The following CDC42 variants were observed in gnomAD, a reference collection of about 807,000 sequenced individuals.
The protein encoded by CDC42 is cell division cycle 42.
CDC42 carries 1 observed loss-of-function variant against 20.8 expected under a neutral mutation model. The observed-to-expected ratio is 0.05, with a 90% CI of 0.02 to 0.23. The LOEUF is 0.23. Among genes scored for constraint, CDC42 ranks in the 10% least tolerant of loss-of-function variants. CDC42 has a pLI of 1.00. For missense variants in CDC42, 49 were observed against 227.9 expected (o/e 0.21, Z 5.05); for synonymous variants, 72 against 84.8 (o/e 0.85, Z 0.83).
At chr1:22,058,701 G>A (rs1645330156) in intron 1 of CDC42, among the ~76,000 whole-genome samples, 1 of 152,066 alleles carries the variant, frequency 6.6e-6, no homozygotes, top group Admixed American at 6.6e-5. Flanking sequence ...GTTTCTCCAT[G>A]CTGGTCAGGC....
intron 1 of CDC42, among the ~76,000 whole-genome samples, chr1:22,070,167 T>C (rs1645469694): frequency 6.6e-6 from 1 of 152,220 alleles, no homozygotes; most frequent in Non-Finnish European, 1.5e-5. Context: ...CTTCAAAGAC[T>C]TCCCCCACAT....
intron 1 of CDC42, chr1:22,059,385 T>C (rs969458919): frequency 1.3e-5 from 2 of 152,206 alleles, no homozygotes; most frequent in Non-Finnish European, 1.5e-5. Flanking sequence ...ATAATTCATA[T>C]TCATTATGAA....
rs533711135 is a variant in CDC42, at chr1:22,083,605, TA to T, written c.178+1824del. ...GGCTGACAGAGTGAGACTCCGTCTT[TA>T]AAAAAAAAAAAATCGTTTTAAGTGT... On this transcript the variant is annotated intron_variant, in intron 3 of 5. Transcript: ENST00000656825. 2.1e-3 allele frequency among the ~76,000 whole-genome samples: 305 copies of T among 145,268 alleles called. 2 individuals are homozygous for T. Among genetic ancestry groups the T allele is most frequent in the African/African-American group, 4.7e-3 (188 of 39,920 alleles).
chr1:22,059,472 AT>A (rs1645339004), intron 1 of CDC42: 1 of 152,164 alleles, frequency 6.6e-6, no homozygotes, highest in African/African-American at 2.4e-5. Flanking sequence ...CTAAAATCAT[AT>A]TTCCAATTTC....
At chr1:22,084,338 T>TG (rs1481629792) in intron 3 of CDC42, among the ~76,000 whole-genome samples, 1 of 87,734 alleles carries the variant, frequency 1.1e-5, no homozygotes, top group Admixed American at 1.2e-4. Context: ...ATTTCCTGTT[T>TG]TTTTTTTTTT....
At chr1:22,061,237 T>C (rs898244671) in intron 1 of CDC42, among the ~76,000 whole-genome samples, 2 of 151,878 alleles carry the variant, frequency 1.3e-5, no homozygotes, top group Non-Finnish European at 2.9e-5. Context: ...TGAAACCCCG[T>C]CTCTACTAAA....
chr1:22,061,528 CTTTCTT>C lies in CDC42; in HGVS notation c.-51+8790_-51+8795del, dbSNP rs1389802629. 2.1e-3 allele frequency among the ~76,000 whole-genome samples: 178 copies of C among 86,284 alleles called. 46 individuals carry two copies. Among genetic ancestry groups the C allele is most frequent in the South Asian group, 5.0e-3 (12 of 2,394 alleles). 56.6% of individuals were successfully genotyped at this position (86,284 alleles called of 152,430 possible). On this transcript the variant is annotated intron_variant, in intron 1 of 5. Transcript: ENST00000656825. Reference sequence around the variant, plus strand: ...GGTCAATCAGTTTAACTTCATGTTTCTTTCTTTTTTTTTTTTTTTTTTTTTTTTTTT... The same window carrying C: ...GGTCAATCAGTTTAACTTCATGTTTCTTTTTTTTTTTTTTTTTTTTTTTTT...
At chr1:22,091,029 C>T (rs1645710578) in intron 5 of CDC42, among the ~76,000 whole-genome samples, 1 of 152,218 alleles carries the variant, frequency 6.6e-6, no homozygotes, top group Non-Finnish European at 1.5e-5. Context: ...CCCGTCCTCT[C>T]AGTCCTCTGT....
chr1:22,089,606 G>A (rs1645695773), intron 5 of CDC42, among the ~76,000 whole-genome samples: 1 of 152,206 alleles, frequency 6.6e-6, no homozygotes, highest in Non-Finnish European at 1.5e-5. Flanking sequence ...TAGCATGCCT[G>A]TTAGTCTGCT....
In CDC42 at chr1:22,083,968, A is replaced by G. The variant is rs867922701; in HGVS notation, c.178+2174A>G. On this transcript the variant is annotated intron_variant, in intron 3 of 5. Coordinates refer to ENST00000656825, the MANE Select transcript of CDC42 (RefSeq NM_001791.4). ...TGTGAGAGTTGTCCATGTTGTGTGT[A>G]TTGGTAGTTGTTTCTTTTGATTGCC... is the stretch of plus-strand genomic sequence containing the variant. Among the ~76,000 whole-genome samples, 17 of 152,242 alleles carry G rather than the reference A, an allele frequency of 1.1e-4. No homozygotes were observed. The Middle Eastern group carries it at 0.017, about 152-fold the overall frequency.
At chr1:22,057,454 G>A (rs1219849308) in intron 1 of CDC42, among the ~76,000 whole-genome samples, 12 of 152,106 alleles carry the variant, frequency 7.9e-5, no homozygotes, top group African/African-American at 2.7e-4. Flanking sequence ...GCGCGATCTC[G>A]GCTCACCGCA....
intron 4 of CDC42, 50 bp downstream of exon 4, chr1:22,086,598 A>G (rs751539362): frequency 1.9e-6 from 3 of 1,583,668 alleles, no homozygotes; most frequent in East Asian, 4.5e-5. Context: ...CAGAATTTCT[A>G]CTGACCTGTT....
intron 1 of CDC42, among the ~76,000 whole-genome samples, chr1:22,070,912 C>G (rs1645482936): frequency 6.6e-6 from 1 of 152,102 alleles, no homozygotes; most frequent in African/African-American, 2.4e-5. Context: ...GCTCGGTGTA[C>G]TTTTGTGGCA....
At chr1:22,069,791 TGTTTTTG>T (rs1569990084) in intron 1 of CDC42, among the ~76,000 whole-genome samples, 1 of 144,620 alleles carries the variant, frequency 6.9e-6, no homozygotes, top group Non-Finnish European at 1.5e-5. Flanking sequence ...TTTGTTTGTT[TGTTTTTG>T]TTGTTGTTGT....
intron 1 of CDC42, among the ~76,000 whole-genome samples, chr1:22,059,948 T>TG (rs1481038647): frequency 6.6e-6 from 1 of 152,210 alleles, no homozygotes; most frequent in Admixed American, 6.5e-5. Context: ...CCCTGAGAGC[T>TG]GGGGGATCAG....
chr1:22,086,616 G>A (rs993541532), intron 4 of CDC42, 53 bp from the exon 5 acceptor site: 5 of 1,591,148 alleles, frequency 3.1e-6, no homozygotes, highest in Non-Finnish European at 4.3e-6. Flanking sequence ...GTTATAAATA[G>A]CATTAGAGGC....
At chr1:22,065,938 T>A (rs1205981026) in intron 1 of CDC42, among the ~76,000 whole-genome samples, 2 of 152,066 alleles carry the variant, frequency 1.3e-5, no homozygotes, top group Admixed American at 6.6e-5. Flanking sequence ...TTTTGTAGTT[T>A]TAGCAGAGAC....
chr1:22,064,012 G>T, intron 1 of CDC42: 1 of 152,072 alleles, frequency 6.6e-6, no homozygotes, highest in Non-Finnish European at 1.5e-5. Flanking sequence ...GAGCCACTGC[G>T]CCAGGCCTTC....
At position 22,094,239 on chromosome 1, in the gene CDC42, G is replaced by A. The variant is rs1645740635; in HGVS notation, c.*2722G>A. Among the ~76,000 whole-genome samples the A allele has an allele frequency of 1.3e-5, 2 of 148,522 alleles. No individual in the cohort carries two copies. Among genetic ancestry groups the A allele is most frequent in the South Asian group, 2.1e-4 (1 of 4,692 alleles). On this transcript the variant is annotated 3_prime_UTR_variant, in exon 6 of 6. Coordinates refer to ENST00000656825, the MANE Select transcript of CDC42 (RefSeq NM_001791.4). ...TGTCAGAATTTATAGTATTTAATAC[G>A]ATGTTAATATATTATTGCTATTTAT...
Sources: gnomAD v4.1 joint callset for allele counts (sites outside exome capture counted in the v4.1 genomes callset) on GRCh38, gnomAD v4.1.1 for gene constraint, MANE v1.5 for transcripts, NCBI Gene and HGNC (gene_info 2026-07-23, HGNC 2026-07-21) for gene names.